Variants in ANKRD30A observed in about 807,000 individuals in gnomAD.
ANKRD30A encodes the protein ankyrin repeat domain 30A.
A neutral mutation model predicts 166.3 loss-of-function variants in ANKRD30A; 170 were observed. That is an observed-to-expected ratio of 1.02 (90% CI 0.90 to 1.16). The LOEUF (loss-of-function observed/expected upper bound fraction) is 1.16, where lower values mean the gene tolerates loss of function less well. Among genes scored for constraint, ANKRD30A ranks in the 50% most tolerant of loss-of-function variants. The pLI, the probability that ANKRD30A is intolerant of heterozygous loss-of-function variation, is 0.00. For missense variants in ANKRD30A, 1,630 were observed against 1,518.0 expected (o/e 1.07, Z -1.23); for synonymous variants, 564 against 508.9 (o/e 1.11, Z -1.46).
chr10:37,263,745 G>A, the ANKRD30A span, among the ~76,000 whole-genome samples: 1 of 152,020 alleles, frequency 6.6e-6, no homozygotes, highest in Non-Finnish European at 1.5e-5. Flanking sequence ...GTGCAGCCTG[G>A]TTCCTAACAG....
the ANKRD30A span, among the ~76,000 whole-genome samples, chr10:37,260,206 G>T: frequency 1.3e-5 from 2 of 151,910 alleles, no homozygotes; most frequent in African/African-American, 4.8e-5. Context: ...CAATCTTAAG[G>T]CCAGTTACTA....
chr10:37,166,338 T>G (rs536277729), intron 18 of ANKRD30A, among the ~76,000 whole-genome samples: 1 of 152,340 alleles, frequency 6.6e-6, no homozygotes, highest in South Asian at 2.1e-4. Flanking sequence ...TATGCACGAG[T>G]GAATTTTTTT....
At chr10:37,202,683 A>ATC (rs750766765) in intron 31 of ANKRD30A, among the ~76,000 whole-genome samples, 18 of 152,212 alleles carry the variant, frequency 1.2e-4, no homozygotes, top group Non-Finnish European at 2.2e-4. Context: ...CCTTCAAAAA[A>ATC]TCAATGAATC....
intron 34 of ANKRD30A, among the ~76,000 whole-genome samples, chr10:37,227,168 T>C (rs1843197754): frequency 6.6e-6 from 1 of 152,036 alleles, no homozygotes; most frequent in African/African-American, 2.4e-5. Context: ...TAAATTCTAA[T>C]GTTAATCCAT....
At chr10:37,232,947 A>T (rs1394357735), downstream of ANKRD30A, among the ~76,000 whole-genome samples, 1 of 151,164 alleles carries the variant, frequency 6.6e-6, no homozygotes, top group Non-Finnish European at 1.5e-5. Flanking sequence ...TTTTGGACTA[A>T]AATAAATAGG....
intron 34 of ANKRD30A, among the ~76,000 whole-genome samples, chr10:37,220,114 G>A (rs1588951099): frequency 6.8e-6 from 1 of 147,792 alleles, no homozygotes; most frequent in East Asian, 2.0e-4. Flanking sequence ...GAAAGTTAAA[G>A]CTGAGAGACG....
chr10:37,190,183 A>G (rs1840419540), intron 25 of ANKRD30A, among the ~76,000 whole-genome samples: 2 of 151,826 alleles, frequency 1.3e-5, no homozygotes, highest in Non-Finnish European at 2.9e-5. Flanking sequence ...GAGGTTTTCA[A>G]ACTTTAGAAA....
At chr10:37,242,143 T>C in the ANKRD30A span, 1 of 152,230 alleles carries the variant, frequency 6.6e-6, no homozygotes, top group Non-Finnish European at 1.5e-5. Flanking sequence ...GACTTTCAAT[T>C]GTAGCAGTTT....
At position 37,160,598 on chromosome 10, in the gene ANKRD30A, T is replaced by C. The variant is rs1420170428; in HGVS notation, c.1900+2012T>C. Among the ~76,000 whole-genome samples, 4 of 152,298 alleles carry C rather than the reference T, an allele frequency of 2.6e-5. No homozygotes were observed. The East Asian group carries it at 5.8e-4, about 22-fold the overall frequency. On this transcript the variant is annotated intron_variant, in intron 15 of 35. Transcript: ENST00000361713. ...CTGAAGTTGCACCTCTGAGTCTTTT[T>C]TCTCTTTCTCTTTTTTTTAAAAAAA... is the stretch of plus-strand genomic sequence containing the variant.
chr10:37,137,276 C>G (rs1164750327), intron 6 of ANKRD30A, among the ~76,000 whole-genome samples: 1 of 152,186 alleles, frequency 6.6e-6, no homozygotes, highest in Non-Finnish European at 1.5e-5. Flanking sequence ...CAGCTCCAGT[C>G]TACAGCTCCC....
chr10:37,133,027 A>G (rs745806334), intron 4 of ANKRD30A, among the ~76,000 whole-genome samples: 13 of 152,116 alleles, frequency 8.5e-5, no homozygotes, highest in Non-Finnish European at 1.5e-4. Context: ...AAAATTAAAT[A>G]GAAATAGGAG....
At chr10:37,140,220 G>A (rs1301352965) in intron 6 of ANKRD30A, among the ~76,000 whole-genome samples, 1 of 152,190 alleles carries the variant, frequency 6.6e-6, no homozygotes, top group African/African-American at 2.4e-5. Flanking sequence ...CAGTGGCAAA[G>A]GAAAAGAAAA....
chr10:37,257,742 G>A, the ANKRD30A span, among the ~76,000 whole-genome samples: 1 of 151,924 alleles, frequency 6.6e-6, no homozygotes, highest in African/African-American at 2.4e-5. Flanking sequence ...GTTCTAATTT[G>A]TACATATACA....
At chr10:37,233,835 G>T (rs1843553120), downstream of ANKRD30A, among the ~76,000 whole-genome samples, 2 of 151,930 alleles carry the variant, frequency 1.3e-5, no homozygotes, top group Admixed American at 1.3e-4. Context: ...CAAAAGGTGG[G>T]TTTTTGGAGG....
At chr10:37,217,047 T>G (rs1177998171) in intron 32 of ANKRD30A, among the ~76,000 whole-genome samples, 1 of 151,056 alleles carries the variant, frequency 6.6e-6, no homozygotes, top group Non-Finnish European at 1.5e-5. Flanking sequence ...CATACTATTT[T>G]TATTCTTTAA....
At chr10:37,145,104 G>A (rs1837404401) in intron 8 of ANKRD30A, 48 bp downstream of exon 8, 2 of 1,392,444 alleles carry the variant, frequency 1.4e-6, no homozygotes, top group African/African-American at 1.5e-5. Flanking sequence ...AATATTGAGT[G>A]ATGTGAAAAT....
chr10:37,138,276 G>A (rs548689253), intron 6 of ANKRD30A, among the ~76,000 whole-genome samples: 1 of 152,200 alleles, frequency 6.6e-6, no homozygotes, highest in Admixed American at 6.5e-5. Flanking sequence ...CAAAGATGGG[G>A]AAAAAACAGA....
At chr10:37,265,031 C>CTCTG in the ANKRD30A span, among the ~76,000 whole-genome samples, 1 of 152,084 alleles carries the variant, frequency 6.6e-6, no homozygotes, top group Non-Finnish European at 1.5e-5. Flanking sequence ...TGATGTTGTA[C>CTCTG]TCTGATTAGT....
the ANKRD30A span, among the ~76,000 whole-genome samples, chr10:37,249,314 T>C: frequency 6.6e-6 from 1 of 152,220 alleles, no homozygotes; most frequent in Non-Finnish European, 1.5e-5. Flanking sequence ...ACTGTGATTC[T>C]ATTAATGGCA....
Sources: allele counts gnomAD v4.1 joint callset (sites outside exome capture counted in the v4.1 genomes callset), GRCh38; gene constraint gnomAD v4.1.1; transcripts MANE v1.5; gene names NCBI Gene and HGNC (gene_info 2026-07-23, HGNC 2026-07-21).